ZNF33B: variants seen among roughly 807,000 people sequenced by gnomAD.
The protein encoded by ZNF33B is zinc finger protein 33B.
Under a neutral mutation model 45.8 loss-of-function variants are expected in ZNF33B, and 29 were observed. The observed-to-expected ratio is 0.63, with a 90% CI of 0.47 to 0.86. The LOEUF is 0.86. ZNF33B is among the 40% of genes least tolerant of loss of function. The pLI, the probability that ZNF33B is intolerant of heterozygous loss-of-function variation, is 0.00. For missense variants in ZNF33B, 831 were observed against 909.9 expected (o/e 0.91, Z 1.12); for synonymous variants, 305 against 307.8 (o/e 0.99, Z 0.10).
intron 4 of ZNF33B, among the ~76,000 whole-genome samples, chr10:42,603,676 G>C (rs1392704641): frequency 6.6e-6 from 1 of 152,144 alleles, no homozygotes; most frequent in African/African-American, 2.4e-5. Flanking sequence ...GCAACATATG[G>C]TCCAGGACAG....
At position 42,591,373 on chromosome 10, in the gene ZNF33B, G is replaced by C. The variant is rs1030849457; in HGVS notation, c.*1240C>G. The C allele has an allele frequency of 2.7e-6, 1 of 373,732 alleles. No individual in the cohort carries two copies. Among genetic ancestry groups the C allele is most frequent in the African/African-American group, 2.2e-5 (1 of 45,650 alleles). The allele number at this position is 373,732 out of a possible 1,614,324, so 23.2% of individuals were successfully genotyped here. Reference sequence around the variant, plus strand: ...GCATGGGATGAGCCACAGGTAGTAAGAGAAAGGGAGTAACATGGAGGCAGG... The same window carrying C: ...GCATGGGATGAGCCACAGGTAGTAACAGAAAGGGAGTAACATGGAGGCAGG... On this transcript the variant is annotated 3_prime_UTR_variant, in exon 5 of 5. Coordinates refer to ENST00000359467, the MANE Select transcript of ZNF33B (RefSeq NM_006955.3).
chr10:42,605,027 A>G (rs1409721675), intron 4 of ZNF33B: 1 of 152,110 alleles, frequency 6.6e-6, no homozygotes, highest in African/African-American at 2.4e-5. Context: ...GAGAGAAATA[A>G]GAGTGAGGAA....
rs1181800841 is a variant in ZNF33B at position 42,591,558 on chromosome 10, A to G, written c.*1055T>C. On this transcript the variant is annotated 3_prime_UTR_variant, in exon 5 of 5. Transcript: ENST00000359467. ...TGGGCCTGATGAAGTAACCACTACT[A>G]AATTAGGATACCTACTTCCTATTCA... is the stretch of plus-strand genomic sequence containing the variant. 2.0e-6 allele frequency: 1 copy of G among 499,880 alleles called. No homozygotes were observed. The highest frequency in any genetic ancestry group is 2.6e-6 in the Non-Finnish European group (1 of 386,412). 31.0% of individuals were successfully genotyped at this position (499,880 alleles called of 1,614,324 possible).
chr10:42,633,428 G>C (rs1589076000), intron 2 of ZNF33B, among the ~76,000 whole-genome samples: 3 of 152,140 alleles, frequency 2.0e-5, no homozygotes, highest in Admixed American at 6.6e-5. Flanking sequence ...ATTCTATTGA[G>C]AACAGCAAAG....
intron 1 of ZNF33B, chr10:42,581,859 A>C (rs988334009): frequency 6.6e-6 from 1 of 152,212 alleles, no homozygotes; most frequent in Admixed American, 6.5e-5. Flanking sequence ...TCACGCCTGT[A>C]ATCTCAGCAC....
intron 4 of ZNF33B, among the ~76,000 whole-genome samples, chr10:42,629,206 C>T (rs781030357): frequency 6.6e-6 from 1 of 152,030 alleles, no homozygotes; most frequent in African/African-American, 2.4e-5. Flanking sequence ...TTTGCATGTT[C>T]TCACTTATTT....
At chr10:42,626,484 T>C (rs906628479) in intron 4 of ZNF33B, among the ~76,000 whole-genome samples, 9 of 152,182 alleles carry the variant, frequency 5.9e-5, no homozygotes, top group Admixed American at 5.9e-4. Flanking sequence ...GGTCAGGAGT[T>C]TGAAACCAGC....
chr10:42,631,822 CT>C (rs1839068952), intron 4 of ZNF33B, 106 bp downstream of exon 4: 2 of 897,800 alleles, frequency 2.2e-6, no homozygotes, highest in African/African-American at 3.3e-5. Flanking sequence ...GTTAGGACCC[CT>C]ATGGAGATGT....
intron 4 of ZNF33B, among the ~76,000 whole-genome samples, chr10:42,619,369 C>G (rs1838474632): frequency 6.6e-6 from 1 of 152,112 alleles, no homozygotes. Flanking sequence ...AAGAAAAACA[C>G]TATCATCTGA....
In ZNF33B at chr10:42,593,748, G is replaced by A. The variant is rs753711459; in HGVS notation, c.1202C>T (p.Thr401Ile). 2 of 1,613,922 alleles carry A rather than the reference G, an allele frequency of 1.2e-6. No homozygotes were observed. The highest frequency in any genetic ancestry group is 1.7e-4 in the Middle Eastern group (1 of 6,058). Residue 401 changes from threonine (T) to isoleucine (I), a missense_variant, in exon 5 of 5, where the codon ACA (threonine) becomes ATA (isoleucine). Transcript: ENST00000359467. ...GKAFSHKSAL[T>I]LHQRTHTGEK... ...CCCTGTATGTGTTCTCTGGTGTAAT[G>A]TGAGGGCTGACTTATGGCTAAAGGC...
chr10:42,582,930 G>A (rs1836854653), intron 1 of ZNF33B: 2 of 524,668 alleles, frequency 3.8e-6, no homozygotes, highest in African/African-American at 1.9e-5. Flanking sequence ...TGCAGAGAAT[G>A]CTGATGTCTC....
rs375120411 is a variant in ZNF33B, at chr10:42,613,498, A to C, written c.250+18431T>G. ...AGGAGGCAGAAGTTGCCATGAGCCA[A>C]GATCACACCACTGCACTCCAACCTG... On this transcript the variant is annotated intron_variant, in intron 4 of 4. Coordinates refer to ENST00000359467, the MANE Select transcript of ZNF33B (RefSeq NM_006955.3). Among the ~76,000 whole-genome samples, 7 of 151,988 alleles carry C rather than the reference A, an allele frequency of 4.6e-5. No individual in the cohort carries two copies. The East Asian group carries it at 7.7e-4, about 17-fold the overall frequency.
intron 4 of ZNF33B, among the ~76,000 whole-genome samples, chr10:42,631,027 C>G (rs1235659493): frequency 6.6e-6 from 1 of 152,150 alleles, no homozygotes. Context: ...CTCACACAGT[C>G]ATTTCATTCA....
intron 4 of ZNF33B, 57 bp downstream of exon 4, chr10:42,631,872 A>T: frequency 2.0e-6 from 3 of 1,474,932 alleles, no homozygotes; most frequent in Non-Finnish European, 2.8e-6. Flanking sequence ...CCCTGAATTA[A>T]CTACTGGGAA....
intron 4 of ZNF33B, among the ~76,000 whole-genome samples, chr10:42,607,474 A>T (rs963231962): frequency 1.2e-4 from 18 of 152,188 alleles, no homozygotes; most frequent in African/African-American, 3.9e-4. Context: ...CCCAGACTTC[A>T]TCTCTATGTG....
downstream of ZNF33B, among the ~76,000 whole-genome samples, chr10:42,588,346 C>T (rs1836979833): frequency 6.6e-6 from 1 of 152,236 alleles, no homozygotes; most frequent in South Asian, 2.1e-4. Flanking sequence ...AAGTGCAAAC[C>T]TGCCAGCAAC....
At chr10:42,606,924 A>G (rs1158112125) in intron 4 of ZNF33B, among the ~76,000 whole-genome samples, 1 of 152,148 alleles carries the variant, frequency 6.6e-6, no homozygotes. Context: ...GAATATTTAC[A>G]TTATACTTAC....
chr10:42,594,223 C>G lies in ZNF33B; in HGVS notation c.727G>C (p.Glu243Gln), dbSNP rs1448255332. Residue 243 changes from glutamate (E) to glutamine (Q), a missense_variant, in exon 5 of 5, where the codon GAA becomes CAA. Transcript: ENST00000359467. Reference sequence around the variant, plus strand: ...TCATTATAGTCACAGTTATTCTCTTCTGCATTCTCTCTCTTCCGTGTATTG... The same window carrying G: ...TCATTATAGTCACAGTTATTCTCTTGTGCATTCTCTCTCTTCCGTGTATTG... ...VFNTRKRENA[E>Q]ENNCDYNEFG... 2 of 1,613,710 alleles carry G rather than the reference C, an allele frequency of 1.2e-6. No homozygotes were observed. Among genetic ancestry groups the G allele is most frequent in the Non-Finnish European group, 1.7e-6 (2 of 1,179,924 alleles).
At position 42,594,219 on chromosome 10, in the gene ZNF33B, T is replaced by G; in HGVS notation, c.731A>C (p.Glu244Ala). 3 of 1,613,774 alleles carry G rather than the reference T, an allele frequency of 1.9e-6. No individual in the cohort carries two copies. Among genetic ancestry groups the G allele is most frequent in the East Asian group, 2.2e-5 (1 of 44,866 alleles). Residue 244 changes from glutamate to alanine, a missense_variant, in exon 5 of 5, where the codon GAG becomes GCG. Transcript: ENST00000359467. ...FNTRKRENAEENNCDYNEFGR... is the reference protein window; with the variant it reads ...FNTRKRENAEANNCDYNEFGR... ...AAATTCATTATAGTCACAGTTATTC[T>G]CTTCTGCATTCTCTCTCTTCCGTGT... is the stretch of plus-strand genomic sequence containing the variant.
Sources: allele counts gnomAD v4.1 joint callset (sites outside exome capture counted in the v4.1 genomes callset), GRCh38; gene constraint gnomAD v4.1.1; transcripts MANE v1.5; gene names NCBI Gene and HGNC (gene_info 2026-07-23, HGNC 2026-07-21).